PGPEP1: variants seen among roughly 807,000 people sequenced by gnomAD.
PGPEP1 encodes the protein pyroglutamyl-peptidase 1.
Under a neutral mutation model 24.1 loss-of-function variants are expected in PGPEP1, and 15 were observed. The ratio of observed to expected loss-of-function variants is 0.62; its 90% CI spans 0.42 to 0.96. The LOEUF (loss-of-function observed/expected upper bound fraction) is 0.96. Among genes scored for constraint, PGPEP1 ranks in the 40% least tolerant of loss-of-function variants. The pLI is 0.00. For synonymous variants in PGPEP1, 122 were observed against 116.4 expected (o/e 1.05, Z -0.31); for missense variants, 242 against 273.4 (o/e 0.89, Z 0.81).
rs182305755 is a variant in PGPEP1 at position 18,356,231 on chromosome 19, G to A, written c.204+220G>A. 7.5e-4 allele frequency among the ~76,000 whole-genome samples: 114 copies of A among 152,078 alleles called. 2 individuals are homozygous for A. The highest frequency in any genetic ancestry group is 2.6e-4 in the Non-Finnish European group (18 of 67,996). ...GTGGATAACCTATACTCAGGAGTTCGCAACCAGCCTGGGCAACATGGCAAA... is the reference window on the plus strand; with the variant it reads ...GTGGATAACCTATACTCAGGAGTTCACAACCAGCCTGGGCAACATGGCAAA... On this transcript the variant is annotated intron_variant, in intron 3 of 4. Transcript: ENST00000269919.
At position 18,341,079 on chromosome 19, in the gene PGPEP1, A is replaced by G. The variant is rs375365639; in HGVS notation, c.34+364A>G. On this transcript the variant is annotated intron_variant, in intron 1 of 4. Coordinates refer to ENST00000269919, the MANE Select transcript of PGPEP1 (RefSeq NM_017712.4). ...GGACCCTTCCTCCCTGCCCCTTCCGAGGTCCAGCCTGTCCCCACACCGCTC... is the reference window on the plus strand; with the variant it reads ...GGACCCTTCCTCCCTGCCCCTTCCGGGGTCCAGCCTGTCCCCACACCGCTC... 9.1e-3 allele frequency among the ~76,000 whole-genome samples: 1,378 copies of G among 151,854 alleles called. 24 individuals are homozygous for G. Among genetic ancestry groups the G allele is most frequent in the African/African-American group, 0.03 (1,243 of 41,406 alleles).
chr19:18,363,260 T>TG, intron 4 of PGPEP1, 131 bp from the exon 5 acceptor site: 1 of 629,968 alleles, frequency 1.6e-6, no homozygotes, highest in Non-Finnish European at 2.7e-6. Flanking sequence ...GGGAGGAGAG[T>TG]GTTGTTCCAT....
intron 3 of PGPEP1, among the ~76,000 whole-genome samples, chr19:18,356,500 A>G (rs1971190012): frequency 6.6e-6 from 1 of 151,306 alleles, no homozygotes; most frequent in South Asian, 2.1e-4. Flanking sequence ...TAATCCCAGC[A>G]CTTTGGAAGG....
rs1167290039 is a variant in PGPEP1, at chr19:18,365,057, G to A, written c.*1474G>A. The A allele has an allele frequency of 6.6e-6, 1 of 152,016 alleles. No homozygotes were observed. The highest frequency in any genetic ancestry group is 1.5e-5 in the Non-Finnish European group (1 of 68,018). 9.4% of individuals were successfully genotyped at this position (152,016 alleles called of 1,614,324 possible). A position where few individuals can be genotyped will look rare whatever the true frequency, so the allele number is the denominator to read the frequency against. Reference sequence around the variant, plus strand: ...AAGGGTTTTATGTAGATTGCTTTTGGACACTCGCCCAGGAGTCAGGAGTTG... The same window carrying A: ...AAGGGTTTTATGTAGATTGCTTTTGAACACTCGCCCAGGAGTCAGGAGTTG... On this transcript the variant is annotated 3_prime_UTR_variant, in exon 5 of 5. Coordinates refer to ENST00000269919, the MANE Select transcript of PGPEP1 (RefSeq NM_017712.4).
rs1242352201 is a variant in PGPEP1 at position 18,365,295 on chromosome 19, GAC to G, written c.*1716_*1717del. 3 of 152,216 alleles carry G rather than the reference GAC, an allele frequency of 2.0e-5. No individual in the cohort carries two copies. Among genetic ancestry groups the G allele is most frequent in the Non-Finnish European group, 4.4e-5 (3 of 68,076 alleles). The allele number at this position is 152,216 out of a possible 1,614,324, so 9.4% of individuals were successfully genotyped here. On this transcript the variant is annotated 3_prime_UTR_variant, in exon 5 of 5. Transcript: ENST00000269919. ...GTGGCTATACTGCTTCCCTGAGTGT[GAC>G]ACAGTTGGAATCTAATCTTGTTGGT...
At chr19:18,359,027 C>A (rs1271445392) in intron 4 of PGPEP1, among the ~76,000 whole-genome samples, 1 of 152,010 alleles carries the variant, frequency 6.6e-6, no homozygotes, top group Non-Finnish European at 1.5e-5. Context: ...GTGGCTCATG[C>A]CTATAATCCT....
intron 2 of PGPEP1, among the ~76,000 whole-genome samples, chr19:18,351,572 C>T (rs1028748235): frequency 6.8e-5 from 10 of 146,338 alleles, no homozygotes; most frequent in Non-Finnish European, 1.3e-4. Context: ...TGCGATGAGC[C>T]GAAATCCCGC....
intron 3 of PGPEP1, among the ~76,000 whole-genome samples, chr19:18,356,756 A>C (rs1194876079): frequency 1.3e-5 from 2 of 151,648 alleles, no homozygotes. Context: ...AAAACAAACA[A>C]GACCAGGCAT....
chr19:18,352,266 C>CAAAAAAAAAAAA (rs60299417), intron 2 of PGPEP1, among the ~76,000 whole-genome samples: 1,647 of 43,224 alleles, frequency 0.038, 257 homozygotes, highest in Middle Eastern at 0.14. Context: ...GACTCCGTCT[C>CAAAAAAAAAAAA]AAAAAAAAAA....
intron 4 of PGPEP1, among the ~76,000 whole-genome samples, chr19:18,358,901 C>T (rs540119751): frequency 3.7e-4 from 56 of 152,258 alleles, no homozygotes; most frequent in African/African-American, 1.3e-3. Context: ...TAGGCATGAG[C>T]CACCAAACGT....
At chr19:18,349,366 G>A (rs1004816539) in intron 2 of PGPEP1, among the ~76,000 whole-genome samples, 4 of 151,658 alleles carry the variant, frequency 2.6e-5, no homozygotes, top group African/African-American at 9.7e-5. Flanking sequence ...TCGCCATGTT[G>A]GCCAGGCTGA....
chr19:18,345,263 A>G (rs1267948191), intron 2 of PGPEP1, among the ~76,000 whole-genome samples: 3 of 151,864 alleles, frequency 2.0e-5, no homozygotes, highest in African/African-American at 7.3e-5. Flanking sequence ...CGGCCTCCCA[A>G]AGTGCTGGGA....
rs575442317 is a variant in PGPEP1 at position 18,356,028 on chromosome 19, G to A, written c.204+17G>A. On this transcript the variant is annotated intron_variant, in intron 3 of 4. Transcript: ENST00000269919. ...AGTCCACAGGTGAGTGGTGCCAAGG[G>A]GCGGCACTTCCTCATCAGGACTTAC... 14 of 1,500,854 alleles carry A rather than the reference G, an allele frequency of 9.3e-6. No individual in the cohort carries two copies. Among genetic ancestry groups the A allele is most frequent in the Non-Finnish European group, 1.3e-5 (14 of 1,076,992 alleles). The allele number at this position is 1,500,854 out of a possible 1,614,324, so 93.0% of individuals were successfully genotyped here.
chr19:18,342,522 T>G (rs1044154910), intron 1 of PGPEP1, among the ~76,000 whole-genome samples: 1 of 152,086 alleles, frequency 6.6e-6, no homozygotes, highest in African/African-American at 2.4e-5. Context: ...AGTGACACAA[T>G]AATTGTAGGT....
chr19:18,348,440 A>G (rs183478428), intron 2 of PGPEP1, among the ~76,000 whole-genome samples: 18 of 151,556 alleles, frequency 1.2e-4, no homozygotes, highest in African/African-American at 3.9e-4. Context: ...GGTGTAGACA[A>G]TGGGGCGTCT....
intron 2 of PGPEP1, among the ~76,000 whole-genome samples, chr19:18,345,466 T>C (rs10401774): frequency 0.32 from 47,952 of 151,496 alleles, 8,585 homozygotes; most frequent in African/African-American, 0.45. Flanking sequence ...TTAGGCCTGA[T>C]ATGATGGCTC....
At chr19:18,351,995 G>A (rs1391667937) in intron 2 of PGPEP1, among the ~76,000 whole-genome samples, 3 of 151,720 alleles carry the variant, frequency 2.0e-5, no homozygotes, top group Non-Finnish European at 4.4e-5. Flanking sequence ...GTGTTGGCCG[G>A]GCGCGGTGGC....
At chr19:18,340,885 A>G (rs559952224) in intron 1 of PGPEP1, among the ~76,000 whole-genome samples, 170 bp downstream of exon 1, 33 of 152,206 alleles carry the variant, frequency 2.2e-4, no homozygotes, top group African/African-American at 7.5e-4. Context: ...GTGGAGGAGG[A>G]GGAGCCTTGG....
intron 3 of PGPEP1, among the ~76,000 whole-genome samples, chr19:18,357,089 C>T (rs1293031749): frequency 5.9e-5 from 9 of 152,192 alleles, no homozygotes; most frequent in Admixed American, 5.9e-4. Flanking sequence ...CATAGCAGCT[C>T]ATTATTTATT....
Sources: allele counts gnomAD v4.1 joint callset (sites outside exome capture counted in the v4.1 genomes callset), GRCh38; gene constraint gnomAD v4.1.1; transcripts MANE v1.5; gene names NCBI Gene and HGNC (gene_info 2026-07-23, HGNC 2026-07-21).